Variants in CIZ1 observed in about 807,000 individuals in gnomAD.
CIZ1 encodes the protein cip1-interacting zinc finger protein.
CIZ1 carries 58 observed loss-of-function variants against 118.6 expected under a neutral mutation model. The observed-to-expected ratio is 0.49, with a 90% CI of 0.40 to 0.61. CIZ1 has a LOEUF of 0.61. CIZ1 is among the 20% of genes least tolerant of loss of function. CIZ1 has a pLI of 0.00. For missense variants in CIZ1, 921 were observed against 1,115.9 expected, an observed-to-expected ratio of 0.83 and a Z score of 2.49; for synonymous variants, 448 against 443.4, an observed-to-expected ratio of 1.01 and a Z score of -0.13.
At chr9:128,169,271 A>AC in intron 13 of CIZ1, 70 bp from the exon 14 acceptor site, 9 of 564,190 alleles carry the variant, frequency 1.6e-5, no homozygotes, top group Non-Finnish European at 2.2e-5. Context: ...TACCCACCCC[A>AC]CCCCTCCCCT....
At position 128,177,568 on chromosome 9, in the gene CIZ1, G is replaced by T; in HGVS notation, c.1816C>A (p.Gln606Lys). ...YICKASCSSQ[Q>K]EFQDHMSEPQ... ...ACCCTTATCTCCTGTATCAGTACCT[G>T]CTGGCTGGAGCAGCTGGCCTTGCAG... The change falls in exon 10 of 17, where the codon CAG becomes AAG. Residue 606 changes from glutamine (Q) to lysine (K), a missense_variant and splice_region_variant. Gln to Lys is a moderately conservative substitution (Grantham distance 53). Transcript: ENST00000372938. 1 of 1,263,326 alleles carries T rather than the reference G, an allele frequency of 7.9e-7. No individual in the cohort carries two copies. Among genetic ancestry groups the T allele is most frequent in the Non-Finnish European group, 1.1e-6 (1 of 943,492 alleles). The allele number at this position is 1,263,326 out of a possible 1,614,324, so 78.3% of individuals were successfully genotyped here. A position where few individuals can be genotyped will look rare whatever the true frequency, so the allele number is the denominator to read the frequency against.
At chr9:128,174,575 C>T (rs1830630241) in intron 11 of CIZ1, among the ~76,000 whole-genome samples, 1 of 152,110 alleles carries the variant, frequency 6.6e-6, no homozygotes, top group South Asian at 2.1e-4. Flanking sequence ...CGAAGAACCC[C>T]CACTGATGCA....
Position 128,178,949 on chromosome 9 carries a change from G to GCAGCTC in CIZ1, c.1257_1258insGAGCTG (p.Val419_Gln420insGluLeu), listed in dbSNP as rs1197750396. ...TGGACCTGCTTCTGCAGCTGCAGCTGCACCTGCCTTGGGGGCTGTGAATGT... is the reference window on the plus strand; with the variant it reads ...TGGACCTGCTTCTGCAGCTGCAGCTGCAGCTCCACCTGCCTTGGGGGCTGTGAATGT... On this transcript the variant is annotated inframe_insertion, in exon 8 of 17. Transcript: ENST00000372938. The GCAGCTC allele has an allele frequency of 6.2e-6, 10 of 1,613,578 alleles. No individual in the cohort carries two copies. Among genetic ancestry groups the GCAGCTC allele is most frequent in the African/African-American group, 1.3e-5 (1 of 74,940 alleles).
At chr9:128,192,822 G>C (rs1048996295), upstream of CIZ1, among the ~76,000 whole-genome samples, 2 of 152,182 alleles carry the variant, frequency 1.3e-5, no homozygotes, top group African/African-American at 4.8e-5. Context: ...GGATTACAGG[G>C]GTGAGCCACC....
chr9:128,194,892 A>C (rs1046680815), upstream of CIZ1, among the ~76,000 whole-genome samples: 15 of 152,124 alleles, frequency 9.9e-5, no homozygotes, highest in African/African-American at 3.6e-4. Context: ...ATCATAGCTC[A>C]CTGCAGCCTT....
intron 9 of CIZ1, 90 bp from the exon 10 acceptor site, chr9:128,177,853 A>G: frequency 1.1e-6 from 1 of 893,692 alleles, no homozygotes; most frequent in Admixed American, 2.7e-5. Flanking sequence ...TTGTCTCATC[A>G]GATCTTCCTG....
At chr9:128,198,747 G>A (rs1346167878) in intron 1 of CIZ1, among the ~76,000 whole-genome samples, 1 of 151,860 alleles carries the variant, frequency 6.6e-6, no homozygotes, top group African/African-American at 2.4e-5. Context: ...CAGGGGAATC[G>A]CTTGAACCCA....
chr9:128,185,431 T>A (rs1248288061), intron 5 of CIZ1, 116 bp downstream of exon 5: 4 of 549,686 alleles, frequency 7.3e-6, no homozygotes, highest in Non-Finnish European at 1.3e-5. Context: ...ATGAGGAAAC[T>A]GAGGCATAAA....
chr9:128,181,845 A>G (rs1192861349), intron 5 of CIZ1, among the ~76,000 whole-genome samples: 4 of 151,804 alleles, frequency 2.6e-5, no homozygotes, highest in South Asian at 2.1e-4. Flanking sequence ...AGGGCCTGAC[A>G]TCAGTCAGGC....
Position 128,169,484 on chromosome 9 carries a change from A to G in CIZ1, c.2067T>C (p.Val689=). 1 of 1,614,156 alleles carries G rather than the reference A, an allele frequency of 6.2e-7. No individual in the cohort carries two copies. The highest frequency in any genetic ancestry group is 8.5e-7 in the Non-Finnish European group (1 of 1,180,024). ...AKQSLRPFCT[V]CNRYFKTPRK... is the part of the protein sequence containing the mutation. ...GAGGGGTTTTGAAGTAGCGGTTGCA[A>G]ACGGTGCAGAAGGGTCGCAAGGATT... The change falls in exon 13 of 17, where the codon GTT becomes GTC. Residue 689 remains valine (V), a synonymous_variant. Transcript: ENST00000372938.
At chr9:128,199,422 C>T (rs1833456414) in intron 1 of CIZ1, among the ~76,000 whole-genome samples, 1 of 150,256 alleles carries the variant, frequency 6.7e-6, no homozygotes, top group Non-Finnish European at 1.5e-5. Context: ...GGAGCTCAGC[C>T]ATGTATGGTG....
chr9:128,176,505 T>C (rs1488751236), intron 10 of CIZ1, 30 bp from the exon 11 acceptor site: 1 of 1,606,622 alleles, frequency 6.2e-7, no homozygotes, highest in Non-Finnish European at 8.5e-7. Context: ...GGGATGGGCC[T>C]GGGGCGTGAG....
chr9:128,171,304 C>CTA (rs1484096331), intron 11 of CIZ1, among the ~76,000 whole-genome samples: 1 of 151,682 alleles, frequency 6.6e-6, no homozygotes, highest in Non-Finnish European at 1.5e-5. Context: ...TGGTGTGCAC[C>CTA]TATAGTCCTA....
In CIZ1 at chr9:128,170,016, C is replaced by T; in HGVS notation, c.2031+4G>A. On this transcript the variant is annotated splice_donor_region_variant and intron_variant, in intron 12 of 16. Coordinates refer to ENST00000372938, the MANE Select transcript of CIZ1 (RefSeq NM_001131016.2). ...GTGCCTCTGCAGCGTGCAGGCCCTC[C>T]TACCTTGTGGTCCTGTGTCCTGCGG... 1.9e-6 allele frequency: 3 copies of T among 1,611,800 alleles called. No homozygotes were observed. Among genetic ancestry groups the T allele is most frequent in the Non-Finnish European group, 2.5e-6 (3 of 1,179,204 alleles).
chr9:128,179,355 C>A lies in CIZ1; in HGVS notation c.852G>T (p.Gln284His), dbSNP rs1831268339. 1.2e-6 allele frequency: 2 copies of A among 1,613,978 alleles called. No individual in the cohort carries two copies. Among genetic ancestry groups the A allele is most frequent in the South Asian group, 2.2e-5 (2 of 91,056 alleles). ...TCTGTTTCGGTACTGTCATCCGGGCCTGCGGCTGGGCCTTCACCTGTAACT... is the reference window on the plus strand; with the variant it reads ...TCTGTTTCGGTACTGTCATCCGGGCATGCGGCTGGGCCTTCACCTGTAACT... ...PGQLQVKAQP[Q>H]ARMTVPKQTQ... The change falls in exon 8 of 17, where the codon CAG becomes CAT. Residue 284 changes from glutamine (Q) to histidine (H), a missense_variant. Coordinates refer to ENST00000372938, the MANE Select transcript of CIZ1 (RefSeq NM_001131016.2).
chr9:128,166,966 A>C lies in CIZ1; in HGVS notation c.2366-86T>G. The C allele has an allele frequency of 1.9e-6, 3 of 1,607,036 alleles. 1 individual carries two copies. The highest frequency in any genetic ancestry group is 4.5e-5 in the East Asian group (2 of 44,798). ...TCTCTAGGGGCCCATGTGCTCCCCAACCCTCTAGGCAGGGGCAGAAGAGAA... is the reference window on the plus strand; with the variant it reads ...TCTCTAGGGGCCCATGTGCTCCCCACCCCTCTAGGCAGGGGCAGAAGAGAA... On this transcript the variant is annotated intron_variant, in intron 15 of 16. Transcript: ENST00000372938. This position sits in a 1 kb window ranked among gnomAD's most constrained non-coding sequence, Gnocchi z 4.4.
Position 128,170,001 on chromosome 9 carries a change from A to G in CIZ1, c.2031+19T>C. The G allele has an allele frequency of 1.2e-6, 2 of 1,602,952 alleles. No individual in the cohort carries two copies. The highest frequency in any genetic ancestry group is 1.7e-6 in the Non-Finnish European group (2 of 1,175,270). ...CAGACGGCAGTGCGGGTGCCTCTGC[A>G]GCGTGCAGGCCCTCCTACCTTGTGG... On this transcript the variant is annotated intron_variant, in intron 12 of 16. Transcript: ENST00000372938.
At chr9:128,182,844 G>A (rs761816105) in intron 5 of CIZ1, among the ~76,000 whole-genome samples, 5 of 150,702 alleles carry the variant, frequency 3.3e-5, no homozygotes, top group Admixed American at 1.3e-4. Context: ...GGCTAGTCTC[G>A]AACTCCTGGG....
chr9:128,178,748 C>G lies in CIZ1; in HGVS notation c.1459G>C (p.Gly487Arg). Reference protein sequence around the residue: ...EQTPVVVHVCGLEMPPDAVEA... With the variant: ...EQTPVVVHVCRLEMPPDAVEA... ...ACTGCATCAGGTGGCATCTCCAGCC[C>G]GCAGACATGAACCACAACTGGTGTT... is the stretch of plus-strand genomic sequence containing the variant. Residue 487 changes from glycine (G) to arginine (R), a missense_variant, in exon 8 of 17, where the codon GGG (glycine) becomes CGG (arginine). Transcript: ENST00000372938. 6.2e-7 allele frequency: 1 copy of G among 1,614,172 alleles called. No homozygotes were observed. Among genetic ancestry groups the G allele is most frequent in the Non-Finnish European group, 8.5e-7 (1 of 1,180,010 alleles).
Sources: allele counts gnomAD v4.1 joint callset (sites outside exome capture counted in the v4.1 genomes callset), GRCh38; gene constraint gnomAD v4.1.1; non-coding constraint Gnocchi (gnomAD v3.1); transcripts MANE v1.5; gene names NCBI Gene and HGNC (gene_info 2026-07-23, HGNC 2026-07-21).